NFATC1: variants seen among roughly 807,000 people sequenced by gnomAD.
The protein encoded by NFATC1 is nuclear factor of activated T cells 1, also known as nuclear factor of activated T-cells, cytoplasmic 1.
Under a neutral mutation model 76.0 loss-of-function variants are expected in NFATC1, and 22 were observed. The observed-to-expected ratio is 0.29, with a 90% CI of 0.21 to 0.41. NFATC1 has a LOEUF of 0.41. Ranked by LOEUF, NFATC1 falls within the 10% of genes least tolerant of loss-of-function variation. The pLI is 1.00. For synonymous variants in NFATC1, 704 were observed against 613.1 expected, an observed-to-expected ratio of 1.15 and a Z score of -2.19; for missense variants, 1,357 against 1,337.7, an observed-to-expected ratio of 1.01 and a Z score of -0.23.
rs1309292432 is a variant in NFATC1 at position 79,486,813 on chromosome 18, G to A, written c.2658G>A (p.Glu886=). Residue 886 remains glutamate, a synonymous_variant, in exon 9 of 10, where the codon GAG becomes GAA. Transcript: ENST00000427363. ...TGCCGTCCACGGTCCGCAGGGACGA[G>A]TCTCCGACTGCCGGGCCACGGCTGC... The part of the protein sequence containing the change: ...QHLPSTVRRD[E]SPTAGPRLLP... 1.2e-5 allele frequency: 20 copies of A among 1,611,612 alleles called. No homozygotes were observed. The highest frequency in any genetic ancestry group is 1.7e-5 in the Non-Finnish European group (20 of 1,179,410).
intron 3 of NFATC1, among the ~76,000 whole-genome samples, chr18:79,436,507 G>A (rs1568959730): frequency 2.7e-5 from 4 of 150,710 alleles, no homozygotes; most frequent in Admixed American, 6.6e-5. Context: ...CTGTGCCCCC[G>A]CGCCCGGTAT....
At chr18:79,458,921 A>G (rs185829576) in intron 6 of NFATC1, among the ~76,000 whole-genome samples, 50 of 152,334 alleles carry the variant, frequency 3.3e-4, no homozygotes, top group Middle Eastern at 3.4e-3. Flanking sequence ...CGTGAATACT[A>G]TTGCTTTTGA....
intron 7 of NFATC1, 76 bp downstream of exon 7, chr18:79,461,442 C>T (rs1232133426): frequency 5.2e-5 from 78 of 1,503,262 alleles, no homozygotes; most frequent in African/African-American, 4.7e-4. Flanking sequence ...GGAGCCACTG[C>T]GGGTCCCCAG....
intron 1 of NFATC1, among the ~76,000 whole-genome samples, chr18:79,406,923 A>G (rs906741427): frequency 3.3e-5 from 5 of 152,108 alleles, no homozygotes; most frequent in African/African-American, 1.2e-4. Context: ...ACGGTCACCC[A>G]GGCGTGTGGG....
chr18:79,501,365 T>A (rs2090009626), intron 9 of NFATC1, among the ~76,000 whole-genome samples: 1 of 151,906 alleles, frequency 6.6e-6, no homozygotes, highest in Non-Finnish European at 1.5e-5. Context: ...AAAAAAACAG[T>A]GATCATCACA....
intron 9 of NFATC1, among the ~76,000 whole-genome samples, chr18:79,493,199 G>C (rs1218931823): frequency 6.6e-6 from 1 of 152,258 alleles, no homozygotes; most frequent in Non-Finnish European, 1.5e-5. Flanking sequence ...CCGCATCGTG[G>C]AGAAGGGCCG....
chr18:79,396,974 G>GC (rs2085027438), intron 1 of NFATC1, among the ~76,000 whole-genome samples: 2 of 152,202 alleles, frequency 1.3e-5, no homozygotes, highest in African/African-American at 2.4e-5. Context: ...AGGAGTTCCA[G>GC]CCAGAGAAGA....
At chr18:79,413,661 C>T (rs993390945) in intron 2 of NFATC1, among the ~76,000 whole-genome samples, 4 of 152,222 alleles carry the variant, frequency 2.6e-5, no homozygotes, top group Admixed American at 1.3e-4. Flanking sequence ...GCCTCAGCCC[C>T]GGTCTTACTG....
intron 3 of NFATC1, among the ~76,000 whole-genome samples, chr18:79,443,732 G>A (rs1327330469): frequency 6.6e-6 from 1 of 152,216 alleles, no homozygotes; most frequent in African/African-American, 2.4e-5. Flanking sequence ...AGGTACGATC[G>A]ATCCTGGTCC....
chr18:79,468,283 G>A (rs1300258121), intron 8 of NFATC1: 2 of 151,738 alleles, frequency 1.3e-5, no homozygotes, highest in Non-Finnish European at 2.9e-5. Context: ...GAAGAGAAAG[G>A]CGTCCCCCAC....
At chr18:79,495,965 C>G (rs1211664597) in intron 9 of NFATC1, 1 of 148,686 alleles carries the variant, frequency 6.7e-6, no homozygotes, top group African/African-American at 2.5e-5. Flanking sequence ...AGTAAGGCGT[C>G]CGCAAGTGTC....
At chr18:79,489,431 AG>A (rs1448160822) in intron 9 of NFATC1, among the ~76,000 whole-genome samples, 3 of 152,216 alleles carry the variant, frequency 2.0e-5, no homozygotes, top group African/African-American at 4.8e-5. Flanking sequence ...CTCTCCTGAC[AG>A]CCAGTGGGAC....
chr18:79,495,713 T>C (rs1433009289), intron 9 of NFATC1, among the ~76,000 whole-genome samples: 1 of 152,272 alleles, frequency 6.6e-6, no homozygotes, highest in Non-Finnish European at 1.5e-5. Context: ...GTGGGGCGTG[T>C]GTGCGATGCC....
chr18:79,447,141 G>A (rs1241142060), intron 3 of NFATC1, among the ~76,000 whole-genome samples: 7 of 152,234 alleles, frequency 4.6e-5, no homozygotes, highest in Non-Finnish European at 1.0e-4. Context: ...AGATTGGTTT[G>A]TTCTTTACTG....
At position 79,527,510 on chromosome 18, in the gene NFATC1, A is replaced by G. The variant is rs765998091; in HGVS notation, c.2783-18A>G. 9 of 1,609,584 alleles carry G rather than the reference A, an allele frequency of 5.6e-6. No individual in the cohort carries two copies. Among genetic ancestry groups the G allele is most frequent in the Non-Finnish European group, 7.7e-6 (9 of 1,176,320 alleles). ...ATGGTATTTCTCTAATACTTTCTCAATTTTTCTTTTCTTACAGTAAATGAA... is the reference window on the plus strand; with the variant it reads ...ATGGTATTTCTCTAATACTTTCTCAGTTTTTCTTTTCTTACAGTAAATGAA... On this transcript the variant is annotated intron_variant, in intron 9 of 9. Transcript: ENST00000427363.
intron 6 of NFATC1, among the ~76,000 whole-genome samples, chr18:79,457,536 C>T (rs2087802520): frequency 6.6e-6 from 1 of 152,216 alleles, no homozygotes; most frequent in South Asian, 2.1e-4. Context: ...GTCATGTTGG[C>T]TAGTTTCTTT....
At chr18:79,421,947 T>G (rs910515027) in intron 2 of NFATC1, 16 of 152,392 alleles carry the variant, frequency 1.0e-4, no homozygotes, top group Admixed American at 2.0e-4. Flanking sequence ...ATCCTTTGTT[T>G]TGGCAACATC....
chr18:79,519,703 T>G (rs2090467542), intron 9 of NFATC1, among the ~76,000 whole-genome samples: 2 of 152,216 alleles, frequency 1.3e-5, no homozygotes, highest in South Asian at 4.1e-4. Context: ...TTTTAGGAAT[T>G]GCTTTTCCTC....
At chr18:79,440,479 C>T (rs1203089133) in intron 3 of NFATC1, among the ~76,000 whole-genome samples, 1 of 152,270 alleles carries the variant, frequency 6.6e-6, no homozygotes, top group Non-Finnish European at 1.5e-5. Context: ...TGGCAGCTCT[C>T]ATGTGGGGCC....
Sources: allele counts gnomAD v4.1 joint callset (sites outside exome capture counted in the v4.1 genomes callset), GRCh38; gene constraint gnomAD v4.1.1; transcripts MANE v1.5; gene names NCBI Gene and HGNC (gene_info 2026-07-23, HGNC 2026-07-21).